IL1RAPL2: variants seen among roughly 807,000 people sequenced by gnomAD.
The protein encoded by IL1RAPL2 is interleukin 1 receptor accessory protein like 2, also known as X-linked interleukin-1 receptor accessory protein-like 2.
IL1RAPL2 carries 3 observed loss-of-function variants against 44.1 expected under a neutral mutation model. The ratio of observed to expected loss-of-function variants is 0.07; its 90% CI spans 0.03 to 0.18. IL1RAPL2 has a LOEUF of 0.18. Among genes scored for constraint, IL1RAPL2 ranks in the 10% least tolerant of loss-of-function variants. The probability of loss-of-function intolerance (pLI) is 1.00; values close to 1 mark genes in which losing one functional copy is unlikely to be tolerated. For synonymous variants in IL1RAPL2, 181 were observed against 178.8 expected (o/e 1.01, Z -0.10); for missense variants, 391 against 496.4 (o/e 0.79, Z 2.02).
At chrX:104,888,876 A>T (rs886569350) in intron 2 of IL1RAPL2, among the ~76,000 whole-genome samples, 1 of 111,681 alleles carries the variant, frequency 9.0e-6, no homozygotes, top group African/African-American at 3.3e-5. Flanking sequence ...CAACTTTTAC[A>T]TTCTTACATT....
intron 2 of IL1RAPL2, among the ~76,000 whole-genome samples, chrX:104,954,617 C>T (rs2147712629): frequency 8.9e-6 from 1 of 111,992 alleles, no homozygotes; most frequent in East Asian, 2.8e-4. Context: ...TCATAGCTTA[C>T]TGCAGTCTTG....
intron 5 of IL1RAPL2, among the ~76,000 whole-genome samples, chrX:105,384,924 A>G (rs1169549771): frequency 9.0e-6 from 1 of 111,691 alleles, no homozygotes; most frequent in Non-Finnish European, 1.9e-5. Context: ...TGGCATACAG[A>G]AATGCTACTG....
chrX:105,740,400 G>T, intron 7 of IL1RAPL2, 146 bp from the exon 8 acceptor site: 2 of 436,383 alleles, frequency 4.6e-6, no homozygotes, highest in African/African-American at 2.4e-5. Context: ...TCTTGTAGAA[G>T]GTCCCACCCA....
intron 2 of IL1RAPL2, among the ~76,000 whole-genome samples, chrX:104,963,682 C>A (rs2030051396): frequency 9.0e-6 from 1 of 110,891 alleles, no homozygotes; most frequent in Non-Finnish European, 1.9e-5. Context: ...TTTGGAATAC[C>A]AATTGGGTCA....
At chrX:104,910,635 A>T (rs1924206397) in intron 2 of IL1RAPL2, among the ~76,000 whole-genome samples, 1 of 111,570 alleles carries the variant, frequency 9.0e-6, no homozygotes, top group Admixed American at 9.5e-5. Flanking sequence ...TCAGTACAGC[A>T]AACTTGAATT....
intron 6 of IL1RAPL2, among the ~76,000 whole-genome samples, chrX:105,597,091 A>C (rs78877850): frequency 0.063 from 7,007 of 111,810 alleles, 205 homozygotes; most frequent in South Asian, 0.19. Context: ...TTGATATCAA[A>C]AATATATTAG....
intron 2 of IL1RAPL2, among the ~76,000 whole-genome samples, chrX:105,175,161 T>G (rs1366086139): frequency 1.8e-5 from 2 of 111,571 alleles, no homozygotes; most frequent in African/African-American, 3.3e-5. Context: ...TTATCATCAT[T>G]ACTATCATTA....
intron 2 of IL1RAPL2, among the ~76,000 whole-genome samples, chrX:104,862,023 G>A (rs1211225600): frequency 9.1e-6 from 1 of 110,138 alleles, no homozygotes; most frequent in Non-Finnish European, 1.9e-5. Flanking sequence ...GAAGGGGGAG[G>A]CATTCTAGGC....
intron 1 of IL1RAPL2, among the ~76,000 whole-genome samples, chrX:104,585,286 A>AATATATATTATATATT (rs376947977): frequency 1.8e-4 from 4 of 22,198 alleles, no homozygotes; most frequent in African/African-American, 1.1e-3. Context: ...TATATTATAT[A>AATATATATTATATATT]ATATATTATA....
At chrX:105,063,479 A>G (rs1310251873) in intron 2 of IL1RAPL2, among the ~76,000 whole-genome samples, 1 of 111,741 alleles carries the variant, frequency 8.9e-6, no homozygotes, top group Non-Finnish European at 1.9e-5. Flanking sequence ...GTGCTCACAT[A>G]ATGACTTCAC....
intron 2 of IL1RAPL2, among the ~76,000 whole-genome samples, chrX:105,148,067 A>G (rs1424809751): frequency 9.0e-5 from 10 of 111,392 alleles, no homozygotes; most frequent in Non-Finnish European, 3.8e-5. Flanking sequence ...ATTGGTACAC[A>G]AGCCCCACGT....
intron 10 of IL1RAPL2, among the ~76,000 whole-genome samples, chrX:105,763,535 T>C (rs958337276): frequency 1.8e-5 from 2 of 108,358 alleles, no homozygotes; most frequent in African/African-American, 3.4e-5. Flanking sequence ...CAGAGGGAGA[T>C]AGGATAGAGA....
chrX:104,880,075 A>G (rs936671719), intron 2 of IL1RAPL2, among the ~76,000 whole-genome samples: 1 of 108,804 alleles, frequency 9.2e-6, no homozygotes, highest in Admixed American at 9.9e-5. Context: ...CTGTTTTGCA[A>G]TTTTTTTTTA....
At chrX:105,042,578 ACAG>A (rs1480497659) in intron 2 of IL1RAPL2, among the ~76,000 whole-genome samples, 21 of 104,810 alleles carry the variant, frequency 2.0e-4, no homozygotes, top group African/African-American at 7.3e-4. Flanking sequence ...TCAGGAAACA[ACAG>A]GTGCTGGAGA....
At chrX:104,871,400 T>C (rs1270327074) in intron 2 of IL1RAPL2, among the ~76,000 whole-genome samples, 1 of 111,653 alleles carries the variant, frequency 9.0e-6, no homozygotes, top group Non-Finnish European at 1.9e-5. Context: ...ACAGTAGAAA[T>C]ATAGAACAAG....
chrX:105,181,855 G>A (rs1180749696), intron 2 of IL1RAPL2, among the ~76,000 whole-genome samples: 2 of 109,975 alleles, frequency 1.8e-5, no homozygotes, highest in African/African-American at 6.6e-5. Flanking sequence ...ACGAGGTCAG[G>A]AGATGGAGAC....
chrX:104,658,778 C>A, intron 1 of IL1RAPL2, 117 bp from the exon 2 acceptor site: 1 of 490,606 alleles, frequency 2.0e-6, no homozygotes. Context: ...AGCCAGAAGA[C>A]CCCAGATTGT....
At chrX:104,956,461 A>AGTGTGTGTGTGTGTGT (rs59541869) in intron 2 of IL1RAPL2, among the ~76,000 whole-genome samples, 13,252 of 83,864 alleles carry the variant, frequency 0.16, 1,152 homozygotes, top group African/African-American at 0.25. Context: ...GTCTCTACTA[A>AGTGTGTGTGTGTGTGT]GTGTGTGTGT....
chrX:104,947,976 G>T (rs1158320252), intron 2 of IL1RAPL2, among the ~76,000 whole-genome samples: 4 of 111,162 alleles, frequency 3.6e-5, no homozygotes, highest in Admixed American at 2.9e-4. Flanking sequence ...AGCTTGATGG[G>T]GATGGCATTG....
Sources: gnomAD v4.1 joint callset for allele counts (sites outside exome capture counted in the v4.1 genomes callset) on GRCh38, gnomAD v4.1.1 for gene constraint, MANE v1.5 for transcripts, NCBI Gene and HGNC (gene_info 2026-07-23, HGNC 2026-07-21) for gene names.